TUSC3: variants seen among roughly 807,000 people sequenced by gnomAD.
TUSC3 encodes dolichyl-diphosphooligosaccharide--protein glycosyltransferase subunit TUSC3.
A neutral mutation model predicts 44.8 loss-of-function variants in TUSC3; 45 were observed. That is an observed-to-expected ratio of 1.00 (90% CI 0.79 to 1.29). TUSC3 has a LOEUF of 1.29. Ranked by LOEUF, TUSC3 falls within the 50% of genes most tolerant of loss-of-function variation. The pLI is 0.00. For missense variants in TUSC3, 519 were observed against 437.9 expected (o/e 1.19, Z -1.65); for synonymous variants, 212 against 152.9 (o/e 1.39, Z -2.85).
intron 6 of TUSC3, among the ~76,000 whole-genome samples, chr8:15,730,008 T>C (rs752799287): frequency 1.3e-5 from 2 of 151,946 alleles, no homozygotes; most frequent in African/African-American, 2.4e-5. Flanking sequence ...AAATAGAAAA[T>C]AGGACATTTA....
chr8:15,809,094 C>A, the TUSC3 span, among the ~76,000 whole-genome samples: 1 of 152,088 alleles, frequency 6.6e-6, no homozygotes, highest in Non-Finnish European at 1.5e-5. Context: ...TGATGGCACA[C>A]TATCATGCTA....
intron 1 of TUSC3, among the ~76,000 whole-genome samples, chr8:15,567,419 C>G (rs1025528441): frequency 5.9e-5 from 9 of 152,064 alleles, no homozygotes; most frequent in African/African-American, 2.2e-4. Flanking sequence ...TCAAATCATC[C>G]ATGGAAACTT....
chr8:15,511,933 A>C (rs1046513398), intron 2 of TUSC3, among the ~76,000 whole-genome samples: 33 of 152,146 alleles, frequency 2.2e-4, no homozygotes, highest in African/African-American at 8.0e-4. Flanking sequence ...CAAAGATATC[A>C]ATTGATCCTA....
At chr8:15,729,547 A>G (rs924259019) in intron 6 of TUSC3, among the ~76,000 whole-genome samples, 3 of 152,164 alleles carry the variant, frequency 2.0e-5, no homozygotes, top group Admixed American at 6.5e-5. Flanking sequence ...AGAAAATGAA[A>G]TGATGTCCTT....
intron 2 of TUSC3, among the ~76,000 whole-genome samples, chr8:15,508,500 T>C (rs1330490397): frequency 3.4e-5 from 5 of 145,900 alleles, no homozygotes; most frequent in Non-Finnish European, 6.0e-5. Context: ...TCTCTCTTGT[T>C]GCCCAGGCTG....
the TUSC3 span, among the ~76,000 whole-genome samples, chr8:15,835,450 T>A: frequency 6.6e-6 from 1 of 152,292 alleles, no homozygotes; most frequent in Non-Finnish European, 1.5e-5. Flanking sequence ...TTCCTGCCTT[T>A]ATGTTTATTT....
the TUSC3 span, among the ~76,000 whole-genome samples, chr8:15,827,802 C>T: frequency 6.6e-6 from 1 of 151,998 alleles, no homozygotes; most frequent in African/African-American, 2.4e-5. Context: ...TTTAGAACTT[C>T]AAGTTGATGA....
intron 7 of TUSC3, among the ~76,000 whole-genome samples, chr8:15,735,847 A>C (rs1585282642): frequency 2.7e-5 from 4 of 150,314 alleles, no homozygotes; most frequent in Admixed American, 6.6e-5. Context: ...CTACAGGTGC[A>C]CGCTGCCACA....
intron 6 of TUSC3, among the ~76,000 whole-genome samples, chr8:15,685,929 A>G (rs1046299947): frequency 3.9e-5 from 5 of 129,514 alleles, no homozygotes; most frequent in African/African-American, 1.5e-4. Context: ...TGTGAAATCA[A>G]ACATGTCTAG....
the TUSC3 span, among the ~76,000 whole-genome samples, chr8:15,776,102 T>A: frequency 5.6e-3 from 845 of 152,228 alleles, 5 homozygotes; most frequent in Admixed American, 0.01. Flanking sequence ...CATCTTATCA[T>A]GACGGAGAGG....
chr8:15,498,800 C>A (rs1269741364), intron 2 of TUSC3, among the ~76,000 whole-genome samples: 1 of 152,130 alleles, frequency 6.6e-6, no homozygotes, highest in Non-Finnish European at 1.5e-5. Context: ...TAGAGACTTT[C>A]AGCCACCACC....
At chr8:15,633,332 C>T (rs1485943494) in intron 2 of TUSC3, among the ~76,000 whole-genome samples, 1 of 152,134 alleles carries the variant, frequency 6.6e-6, no homozygotes, top group Non-Finnish European at 1.5e-5. Context: ...ATGTGAATGC[C>T]TCAGTGAGTT....
intron 10 of TUSC3, 49 bp downstream of exon 10, chr8:15,757,904 TATAG>T (rs1252281070): frequency 7.6e-6 from 11 of 1,448,762 alleles, no homozygotes; most frequent in Non-Finnish European, 1.1e-5. Flanking sequence ...ATTTTTCAAA[TATAG>T]AGAGTATAAC....
chr8:15,654,544 CA>C, intron 3 of TUSC3, among the ~76,000 whole-genome samples: 1 of 152,172 alleles, frequency 6.6e-6, no homozygotes, highest in South Asian at 2.1e-4. Context: ...CTTGTGTTTA[CA>C]AATCAGTCTT....
At chr8:15,463,157 A>G (rs1246725430) in intron 1 of TUSC3, among the ~76,000 whole-genome samples, 2 of 152,012 alleles carry the variant, frequency 1.3e-5, no homozygotes, top group African/African-American at 2.4e-5. Flanking sequence ...GATCCGTAAA[A>G]ACATAAGTTT....
intron 1 of TUSC3, among the ~76,000 whole-genome samples, chr8:15,571,903 A>G (rs1019568815): frequency 6.6e-6 from 1 of 152,108 alleles, no homozygotes; most frequent in Non-Finnish European, 1.5e-5. Context: ...ACTGGGCTTC[A>G]AATATTCAGT....
chr8:15,799,854 T>C, the TUSC3 span, among the ~76,000 whole-genome samples: 10 of 152,140 alleles, frequency 6.6e-5, no homozygotes, highest in African/African-American at 1.9e-4. Flanking sequence ...AGGTCATAGA[T>C]GAAAGACAAT....
At chr8:15,674,871 GAAGCAATTTTA>G (rs1216618292) in intron 6 of TUSC3, among the ~76,000 whole-genome samples, 1 of 151,808 alleles carries the variant, frequency 6.6e-6, no homozygotes, top group Non-Finnish European at 1.5e-5. Context: ...AAAATAATTG[GAAGCAATTTTA>G]GAGCAATAAA....
chr8:15,601,932 C>G (rs1286412475), intron 1 of TUSC3, among the ~76,000 whole-genome samples: 2 of 147,508 alleles, frequency 1.4e-5, no homozygotes, highest in African/African-American at 2.5e-5. Context: ...TTTTTAGTTT[C>G]CAGAATTAAC....
Sources: gnomAD v4.1 joint callset for allele counts (sites outside exome capture counted in the v4.1 genomes callset) on GRCh38, gnomAD v4.1.1 for gene constraint, MANE v1.5 for transcripts, NCBI Gene and HGNC (gene_info 2026-07-23, HGNC 2026-07-21) for gene names.